Variants in ABCC11 observed in about 807,000 individuals in gnomAD.
ABCC11 encodes ATP-binding cassette sub-family C member 11.
A neutral mutation model predicts 149.3 loss-of-function variants in ABCC11; 135 were observed. That is an observed-to-expected ratio of 0.90 (90% CI 0.79 to 1.04). ABCC11 has a LOEUF of 1.04. ABCC11 is among the 50% of genes least tolerant of loss of function. The pLI is 0.00. For synonymous variants in ABCC11, 665 were observed against 671.4 expected, an observed-to-expected ratio of 0.99 and a Z score of 0.15; for missense variants, 1,680 against 1,722.1, an observed-to-expected ratio of 0.98 and a Z score of 0.43.
chr16:48,202,046 G>A (rs1968028556), intron 14 of ABCC11, among the ~76,000 whole-genome samples: 1 of 152,110 alleles, frequency 6.6e-6, no homozygotes, highest in Admixed American at 6.5e-5. Flanking sequence ...TCTGGCCAAA[G>A]CCCAGTTTCC....
chr16:48,220,226 G>C (rs1472407183), intron 6 of ABCC11, among the ~76,000 whole-genome samples: 1 of 152,150 alleles, frequency 6.6e-6, no homozygotes, highest in African/African-American at 2.4e-5. Context: ...TTGAAGACCC[G>C]GACTCTGCAG....
At position 48,224,470 on chromosome 16, in the gene ABCC11, T is replaced by C. The variant is rs73546424; in HGVS notation, c.396-41A>G. On this transcript the variant is annotated intron_variant, in intron 4 of 29. Transcript: ENST00000356608. ...ATGGAACTGGTGGAATCTCTTTGCATGTGACATCCAAACATCCTAGTTCTT... is the reference window on the plus strand; with the variant it reads ...ATGGAACTGGTGGAATCTCTTTGCACGTGACATCCAAACATCCTAGTTCTT... The C allele has an allele frequency of 3.2e-5, 52 of 1,602,354 alleles. No homozygotes were observed. In the Middle Eastern group the frequency reaches 6.7e-4, roughly 21 times the overall value.
intron 3 of ABCC11, among the ~76,000 whole-genome samples, chr16:48,228,819 A>T (rs576588765): frequency 1.3e-5 from 2 of 152,296 alleles, no homozygotes; most frequent in African/African-American, 4.8e-5. Context: ...ATAATTAAAG[A>T]TGATAAGGTA....
At chr16:48,228,048 AGGT>A in intron 3 of ABCC11, 84 bp from the exon 4 acceptor site, 1 of 1,186,194 alleles carries the variant, frequency 8.4e-7, no homozygotes, top group Admixed American at 3.4e-5. Flanking sequence ...AAACACAACG[AGGT>A]TACCCAGATC....
rs1466175381 is a variant in ABCC11, at chr16:48,175,319, C to T, written c.3637G>A (p.Asp1213Asn). ...ATCACTGAGAGCTTGGACCGCAAGT[C>T]CTCCAGGCCGATGCTGCAAATGTCC... Reference protein sequence around the residue: ...GVDICSIGLEDLRSKLSVIPQ... With the variant: ...GVDICSIGLENLRSKLSVIPQ... Residue 1213 changes from aspartate to asparagine, a missense_variant, in exon 26 of 30, where the codon GAC (aspartate) becomes AAC (asparagine). Asp to Asn is a conservative substitution (Grantham distance 23, BLOSUM62 1). Transcript: ENST00000356608. 3.1e-6 allele frequency: 5 copies of T among 1,614,030 alleles called. No individual in the cohort carries two copies. In the African/African-American group the frequency reaches 6.7e-5, roughly 22 times the overall value.
intron 1 of ABCC11, among the ~76,000 whole-genome samples, chr16:48,236,365 C>T (rs1970687958): frequency 6.6e-6 from 1 of 152,224 alleles, no homozygotes; most frequent in Non-Finnish European, 1.5e-5. Context: ...CTCAGAGTAA[C>T]CTTCCCAGAT....
chr16:48,243,356 C>CATG, intron 1 of ABCC11, among the ~76,000 whole-genome samples: 1 of 146,802 alleles, frequency 6.8e-6, no homozygotes. Flanking sequence ...GAGCCGAGAT[C>CATG]TCGCCACTAC....
intron 1 of ABCC11, among the ~76,000 whole-genome samples, chr16:48,242,883 CA>C (rs1264202278): frequency 2.0e-5 from 3 of 151,416 alleles, no homozygotes; most frequent in African/African-American, 7.3e-5. Context: ...ACATCACACT[CA>C]GGGGCCTGTC....
Position 48,193,938 on chromosome 16 carries a change from C to T in ABCC11, c.2449G>A (p.Val817Ile), listed in dbSNP as rs746479478. The T allele has an allele frequency of 1.2e-5, 20 of 1,613,894 alleles. No homozygotes were observed. Among genetic ancestry groups the T allele is most frequent in the East Asian group, 6.7e-5 (3 of 44,894 alleles). Residue 817 changes from valine (V) to isoleucine (I), a missense_variant, in exon 19 of 30, where the codon GTC (valine) becomes ATC (isoleucine). Val to Ile is a conservative substitution (Grantham distance 29). Coordinates refer to ENST00000356608, the MANE Select transcript of ABCC11 (RefSeq NM_001370497.1). ...CIIFFFVVLI[V>I]FLTIFSFWWL... ...CAGAAGCTGAAGATCGTTAAGAAGA[C>T]GATCAGCACCACGAAGAAGAAAATT...
chr16:48,245,818 A>G (rs946109877), intron 1 of ABCC11, among the ~76,000 whole-genome samples: 1 of 152,164 alleles, frequency 6.6e-6, no homozygotes, highest in African/African-American at 2.4e-5. Flanking sequence ...GGTCCACATT[A>G]TATTTTTATT....
At chr16:48,230,213 C>T (rs1970339431) in intron 3 of ABCC11, among the ~76,000 whole-genome samples, 1 of 152,238 alleles carries the variant, frequency 6.6e-6, no homozygotes, top group Non-Finnish European at 1.5e-5. Context: ...TGATGTAGCA[C>T]AGTGCCTGGC....
chr16:48,183,088 C>T (rs184658158), intron 23 of ABCC11, among the ~76,000 whole-genome samples: 319 of 152,326 alleles, frequency 2.1e-3, no homozygotes, highest in African/African-American at 7.3e-3. Context: ...ATTTAAGTAA[C>T]TTGGCCATGT....
intron 4 of ABCC11, among the ~76,000 whole-genome samples, chr16:48,227,603 C>T (rs986825581): frequency 1.3e-5 from 2 of 151,934 alleles, no homozygotes; most frequent in East Asian, 1.9e-4. Context: ...ATCTCCAGCC[C>T]GTATGTACAA....
At chr16:48,235,808 C>T (rs1424397538) in intron 1 of ABCC11, among the ~76,000 whole-genome samples, 1 of 152,202 alleles carries the variant, frequency 6.6e-6, no homozygotes, top group Non-Finnish European at 1.5e-5. Flanking sequence ...CTGTGTTTTC[C>T]CAATCCCCAG....
intron 11 of ABCC11, chr16:48,209,409 A>C (rs1361263590): frequency 6.6e-6 from 1 of 152,304 alleles, no homozygotes; most frequent in Non-Finnish European, 1.5e-5. Context: ...GATTGGTTTC[A>C]GGATGAAACT....
intron 11 of ABCC11, among the ~76,000 whole-genome samples, chr16:48,209,095 G>C (rs968139642): frequency 8.5e-5 from 13 of 152,166 alleles, no homozygotes; most frequent in Admixed American, 7.9e-4. Context: ...ACAGAAAGTT[G>C]GGGGTTGAGG....
chr16:48,223,157 T>C (rs1341909701), intron 5 of ABCC11, among the ~76,000 whole-genome samples: 1 of 152,162 alleles, frequency 6.6e-6, no homozygotes, highest in Non-Finnish European at 1.5e-5. Context: ...CAAGGCCTGG[T>C]GGAGCACCAT....
Position 48,230,566 on chromosome 16 carries a change from T to C in ABCC11, c.107A>G (p.Tyr36Cys), listed in dbSNP as rs1850503882. The C allele has an allele frequency of 6.4e-7, 1 of 1,572,488 alleles. No individual in the cohort carries two copies. The highest frequency in any genetic ancestry group is 1.4e-5 in the African/African-American group (1 of 73,458). Residue 36 changes from tyrosine (Y) to cysteine (C), a missense_variant, in exon 3 of 30, where the codon TAT becomes TGT. Physicochemically the swap from Tyr to Cys is radical, Grantham distance 194. Coordinates refer to ENST00000356608, the MANE Select transcript of ABCC11 (RefSeq NM_001370497.1). ...DMVSGLIYKT[Y>C]TLQDGPWSQQ... Reference sequence around the variant, plus strand: ...ACTCCAGGGGCCATCTTGGAGAGTATAGGTTTTCTTGGAAAAGAAAAACAA... The same window carrying C: ...ACTCCAGGGGCCATCTTGGAGAGTACAGGTTTTCTTGGAAAAGAAAAACAA...
At chr16:48,175,801 C>T (rs1183484004) in intron 25 of ABCC11, among the ~76,000 whole-genome samples, 3 of 150,904 alleles carry the variant, frequency 2.0e-5, no homozygotes, top group Non-Finnish European at 4.4e-5. Context: ...ACCCATATCC[C>T]CCCCAGGCAA....
Sources: gnomAD v4.1 joint callset for allele counts (sites outside exome capture counted in the v4.1 genomes callset) on GRCh38, gnomAD v4.1.1 for gene constraint, MANE v1.5 for transcripts, NCBI Gene and HGNC (gene_info 2026-07-23, HGNC 2026-07-21) for gene names.